The following PHACTR2 variants were observed in gnomAD, a reference collection of about 807,000 sequenced individuals.
PHACTR2 encodes phosphatase and actin regulator 2.
A neutral mutation model predicts 76.0 loss-of-function variants in PHACTR2; 30 were observed. The ratio of observed to expected loss-of-function variants is 0.39; its 90% CI spans 0.30 to 0.54. The LOEUF is 0.54. Ranked by LOEUF, PHACTR2 falls within the 20% of genes least tolerant of loss-of-function variation. PHACTR2 has a pLI of 0.61. For missense variants in PHACTR2, 696 were observed against 781.1 expected, an observed-to-expected ratio of 0.89 and a Z score of 1.30; for synonymous variants, 292 against 292.5, an observed-to-expected ratio of 1.00 and a Z score of 0.02.
In PHACTR2 at chr6:143,684,371, C is replaced by T. The variant is rs968564712; in HGVS notation, c.46+6162C>T. ...ATTCTTAGGTTTTCCTTTCCCCCTC[C>T]ACATGGATCCATCAGCAGGTCTTGT... On this transcript the variant is annotated intron_variant, in intron 1 of 12. Transcript: ENST00000440869. This position sits in a 1 kb window ranked among gnomAD's most constrained non-coding sequence, Gnocchi z 4.3. 6.6e-6 allele frequency among the ~76,000 whole-genome samples: 1 copy of T among 152,174 alleles called. No homozygotes were observed. The highest frequency in any genetic ancestry group is 1.5e-5 in the Non-Finnish European group (1 of 68,032).
chr6:143,601,300 G>T (rs1202431603), intron 1 of PHACTR2, among the ~76,000 whole-genome samples: 1 of 152,178 alleles, frequency 6.6e-6, no homozygotes, highest in Non-Finnish European at 1.5e-5. Context: ...AGGCCGTCTT[G>T]GGATGGCCTT....
At chr6:143,714,536 A>T (rs1778258048) in intron 2 of PHACTR2, among the ~76,000 whole-genome samples, 1 of 152,224 alleles carries the variant, frequency 6.6e-6, no homozygotes, top group Non-Finnish European at 1.5e-5. Flanking sequence ...TGCTCATTCT[A>T]CGTCTAAAGG....
At chr6:143,612,177 A>G (rs1002008242) in intron 1 of PHACTR2, among the ~76,000 whole-genome samples, 4 of 152,244 alleles carry the variant, frequency 2.6e-5, no homozygotes, top group African/African-American at 9.6e-5. Flanking sequence ...ATGGGATGGT[A>G]CAGAGAAAGG....
At position 143,742,395 on chromosome 6, in the gene PHACTR2, A is replaced by G. The variant is rs1039254012; in HGVS notation, c.215-6590A>G. On this transcript the variant is annotated intron_variant, in intron 2 of 12. Coordinates refer to ENST00000440869, the MANE Select transcript of PHACTR2 (RefSeq NM_001100164.2). This position sits in a 1 kb window ranked among gnomAD's most constrained non-coding sequence, Gnocchi z 4.5. ...CTCTTGCGGAGGCAAGGTGGCCACT[A>G]GCCACTCTTGCTCATATTTGTCTGG... is the stretch of plus-strand genomic sequence containing the variant. 6.6e-6 allele frequency among the ~76,000 whole-genome samples: 1 copy of G among 152,224 alleles called. No homozygotes were observed.
At chr6:143,781,179 C>T (rs992520696) in intron 9 of PHACTR2, among the ~76,000 whole-genome samples, 7 of 152,212 alleles carry the variant, frequency 4.6e-5, no homozygotes, top group African/African-American at 1.7e-4. Flanking sequence ...CACCCTCGTC[C>T]TCTAACTTCA....
At chr6:143,559,791 A>G (rs977993246) in intron 1 of PHACTR2, among the ~76,000 whole-genome samples, 2 of 120,160 alleles carry the variant, frequency 1.7e-5, no homozygotes, top group African/African-American at 6.5e-5. Context: ...GCTCACTGCA[A>G]CCTCTGCTTC....
rs543565369 is a variant in PHACTR2, at chr6:143,585,429, A to G, written c.217+48222A>G. Among the ~76,000 whole-genome samples the G allele has an allele frequency of 1.3e-5, 2 of 152,344 alleles. No individual in the cohort carries two copies. Among genetic ancestry groups the G allele is most frequent in the South Asian group, 2.1e-4 (1 of 4,832 alleles). On this transcript the variant is annotated intron_variant, in intron 1 of 11. Coordinates refer to the PHACTR2 transcript ENST00000367584. This position sits in a 1 kb window ranked among gnomAD's most constrained non-coding sequence, Gnocchi z 5.2. ...TAGAAGCTGAGATTCCAGGCAGCAC[A>G]AGAACAACACATTGGAACTAGGAAA...
At chr6:143,693,867 A>C (rs1333006234) in intron 1 of PHACTR2, among the ~76,000 whole-genome samples, 1 of 152,136 alleles carries the variant, frequency 6.6e-6, no homozygotes, top group Non-Finnish European at 1.5e-5. Flanking sequence ...ATATGTGTTC[A>C]TGACCAGCCT....
At chr6:143,707,300 T>A (rs76155320) in intron 1 of PHACTR2, among the ~76,000 whole-genome samples, 1,732 of 152,326 alleles carry the variant, frequency 0.011, 40 homozygotes, top group African/African-American at 0.039. Context: ...ACACATGATT[T>A]CTCCTAGTTA....
chr6:143,777,223 T>A lies in PHACTR2; in HGVS notation c.1590-105T>A. Reference sequence around the variant, plus strand: ...TTATTTTGCAGCTTTAAAAATGGATTTTTATTTCTCAAAACATGAAAAATA... The same window carrying A: ...TTATTTTGCAGCTTTAAAAATGGATATTTATTTCTCAAAACATGAAAAATA... On this transcript the variant is annotated intron_variant, in intron 8 of 12. Coordinates refer to ENST00000440869, the MANE Select transcript of PHACTR2 (RefSeq NM_001100164.2). This position sits in a 1 kb window ranked among gnomAD's most constrained non-coding sequence, Gnocchi z 4.6. 1 of 616,310 alleles carries A rather than the reference T, an allele frequency of 1.6e-6. No individual in the cohort carries two copies. Among genetic ancestry groups the A allele is most frequent in the Non-Finnish European group, 2.8e-6 (1 of 357,686 alleles). The allele number at this position is 616,310 out of a possible 1,614,324, so 38.2% of individuals were successfully genotyped here.
chr6:143,656,043 C>T lies in PHACTR2; in HGVS notation c.13+47721C>T, dbSNP rs975323724. 3.9e-5 allele frequency among the ~76,000 whole-genome samples: 6 copies of T among 152,052 alleles called. No homozygotes were observed. Among genetic ancestry groups the T allele is most frequent in the African/African-American group, 9.7e-5 (4 of 41,380 alleles). On this transcript the variant is annotated intron_variant, in intron 1 of 11. Coordinates refer to the PHACTR2 transcript ENST00000305766. This position sits in a 1 kb window ranked among gnomAD's most constrained non-coding sequence, Gnocchi z 5.3. ...AAGTTTCTTATCCTAAGGTGATTAC[C>T]GGGGGAAATATTTAAAAGAAGCATC...
At chr6:143,632,861 A>G (rs1776388483) in intron 1 of PHACTR2, among the ~76,000 whole-genome samples, 1 of 152,174 alleles carries the variant, frequency 6.6e-6, no homozygotes, top group Non-Finnish European at 1.5e-5. Context: ...CATATGGTAT[A>G]TAACCTTTTC....
chr6:143,560,982 A>C (rs1487218776), intron 1 of PHACTR2, among the ~76,000 whole-genome samples: 1 of 151,520 alleles, frequency 6.6e-6, no homozygotes, highest in African/African-American at 2.4e-5. Context: ...TTCTAGGCTT[A>C]GAACCAGCAA....
At chr6:143,704,689 G>A (rs1778004811) in intron 1 of PHACTR2, among the ~76,000 whole-genome samples, 3 of 152,158 alleles carry the variant, frequency 2.0e-5, no homozygotes, top group Admixed American at 1.3e-4. Context: ...GATTTCAGTA[G>A]TTTTTCCCTA....
intron 1 of PHACTR2, among the ~76,000 whole-genome samples, chr6:143,693,539 CT>C (rs1257998844): frequency 6.6e-6 from 1 of 152,148 alleles, no homozygotes; most frequent in African/African-American, 2.4e-5. Context: ...TGCCCAGCCC[CT>C]TTTTTCTGTA....
upstream of PHACTR2, among the ~76,000 whole-genome samples, chr6:143,674,329 C>T (rs1777205472): frequency 6.6e-6 from 1 of 152,052 alleles, no homozygotes. This position sits in a 1 kb window ranked among gnomAD's most constrained non-coding sequence, Gnocchi z 4.9. Context: ...GTAAAAACTA[C>T]CCAAATAGTT....
chr6:143,609,548 G>A (rs1443783013), intron 1 of PHACTR2, among the ~76,000 whole-genome samples: 2 of 152,074 alleles, frequency 1.3e-5, no homozygotes, highest in African/African-American at 4.8e-5. Flanking sequence ...ATGTACTATA[G>A]GGCTTGTCAT....
chr6:143,607,228 A>G (rs1051521752), upstream of PHACTR2, among the ~76,000 whole-genome samples: 3 of 152,204 alleles, frequency 2.0e-5, no homozygotes, highest in African/African-American at 7.2e-5. Flanking sequence ...CTGTGGATTC[A>G]TTTCATCGTA....
chr6:143,819,997 G>T lies in PHACTR2; in HGVS notation c.1923-3677G>T, dbSNP rs1247438171. Among the ~76,000 whole-genome samples, 1 of 152,174 alleles carries T rather than the reference G, an allele frequency of 6.6e-6. No homozygotes were observed. The highest frequency in any genetic ancestry group is 2.4e-5 in the African/African-American group (1 of 41,432). On this transcript the variant is annotated intron_variant, in intron 12 of 12. Transcript: ENST00000440869. The surrounding 1 kb of genome is among the most constrained non-coding windows in gnomAD (Gnocchi z 5.0). Reference sequence around the variant, plus strand: ...CCAATCACGGCAGAAAGCGAAGGGGGAGCAGGCACATCACATGGCAAGAAT... The same window carrying T: ...CCAATCACGGCAGAAAGCGAAGGGGTAGCAGGCACATCACATGGCAAGAAT...
Sources: allele counts gnomAD v4.1 joint callset (sites outside exome capture counted in the v4.1 genomes callset), GRCh38; gene constraint gnomAD v4.1.1; non-coding constraint Gnocchi (gnomAD v3.1); transcripts MANE v1.5; gene names NCBI Gene and HGNC (gene_info 2026-07-23, HGNC 2026-07-21).